Variants in NLRP3 observed in about 807,000 individuals in gnomAD.
NLRP3 encodes the protein NLR family pyrin domain containing 3, also known as NACHT, LRR and PYD domains-containing protein 3.
Under a neutral mutation model 91.3 loss-of-function variants are expected in NLRP3, and 48 were observed. That is an observed-to-expected ratio of 0.53 (90% CI 0.42 to 0.67). The LOEUF (loss-of-function observed/expected upper bound fraction) is 0.67, where lower values mean the gene tolerates loss of function less well. Ranked by LOEUF, NLRP3 falls within the 30% of genes least tolerant of loss-of-function variation. The pLI is 0.00. For synonymous variants in NLRP3, 561 were observed against 507.9 expected (o/e 1.10, Z -1.41); for missense variants, 982 against 1,276.9 (o/e 0.77, Z 3.52).
At position 247,444,735 on chromosome 1, in the gene NLRP3, C is replaced by T. The variant is rs751554558; in HGVS notation, c.2919C>T (p.Ser973=). 1 of 1,614,150 alleles carries T rather than the reference C, an allele frequency of 6.2e-7. No homozygotes were observed. The highest frequency in any genetic ancestry group is 1.1e-5 in the South Asian group (1 of 91,082). ...CCAGCCAGAGCCTGCGAAAGCTGAG[C>T]CTGGGCAACAATGACCTGGGCGACC... ...LTSSQSLRKL[S]LGNNDLGDLG... Residue 973 remains serine (S), a synonymous_variant, in exon 9 of 10, where the codon AGC becomes AGT. Coordinates refer to ENST00000336119, the MANE Select transcript of NLRP3 (RefSeq NM_001243133.2).
chr1:247,447,794 T>C (rs1466246141), intron 9 of NLRP3, among the ~76,000 whole-genome samples: 1 of 152,240 alleles, frequency 6.6e-6, no homozygotes, highest in Non-Finnish European at 1.5e-5. Flanking sequence ...AAGTGAATTA[T>C]TGATAGATGC....
chr1:247,441,129 CTCTTTCTT>C (rs58587092), intron 7 of NLRP3, among the ~76,000 whole-genome samples: 41,509 of 92,340 alleles, frequency 0.45, 6,547 homozygotes, highest in African/African-American at 0.47. Context: ...TTTTCTTTTT[CTCTTTCTT>C]TCTTTCTTTC....
intron 5 of NLRP3, among the ~76,000 whole-genome samples, chr1:247,431,831 G>A (rs1663354488): frequency 6.6e-6 from 1 of 152,166 alleles, no homozygotes; most frequent in African/African-American, 2.4e-5. Flanking sequence ...GTAGATGTAG[G>A]GGGCGCAAGA....
At chr1:247,448,268 CTTTTT>C (rs58966539) in intron 9 of NLRP3, 132 bp from the exon 10 acceptor site, 1,178 of 357,286 alleles carry the variant, frequency 3.3e-3, no homozygotes, top group Non-Finnish European at 4.1e-3. Flanking sequence ...TGTGGTCCCT[CTTTTT>C]TTTTTTTTTT....
intron 1 of NLRP3, among the ~76,000 whole-genome samples, chr1:247,416,438 A>G (rs1662079739): frequency 6.6e-6 from 1 of 152,158 alleles, no homozygotes; most frequent in South Asian, 2.1e-4. Context: ...ACCATAGTTT[A>G]CACCCACGAC....
chr1:247,439,583 TA>T (rs1262630096), intron 7 of NLRP3, among the ~76,000 whole-genome samples: 1 of 152,226 alleles, frequency 6.6e-6, no homozygotes, highest in Non-Finnish European at 1.5e-5. Flanking sequence ...TGATCTTAAC[TA>T]ATTACATTTT....
chr1:247,445,147 C>T (rs1004842800), intron 9 of NLRP3, among the ~76,000 whole-genome samples: 3 of 152,124 alleles, frequency 2.0e-5, no homozygotes, highest in Non-Finnish European at 4.4e-5. Flanking sequence ...TATGGGTCAT[C>T]CAAATTGGAA....
intron 9 of NLRP3, among the ~76,000 whole-genome samples, chr1:247,445,287 G>T (rs1039693214): frequency 6.6e-6 from 1 of 151,864 alleles, no homozygotes; most frequent in African/African-American, 2.4e-5. Context: ...TGCAAGCTCC[G>T]CCTCCCGGGT....
At position 247,418,307 on chromosome 1, in the gene NLRP3, C is replaced by CT. The variant is rs144128307; in HGVS notation, c.-482dup. Reference sequence around the variant, plus strand: ...AACTTTCTGGTAAGCATTTGGCTAACTTTTTTTTTTTTGAGATGGAGTCTT... The same window carrying CT: ...AACTTTCTGGTAAGCATTTGGCTAACTTTTTTTTTTTTTGAGATGGAGTCTT... On this transcript the variant is annotated 5_prime_UTR_variant, in exon 2 of 10. It introduces an in-frame stop codon into an upstream open reading frame of the 5' UTR. Transcript: ENST00000336119. 0.013 allele frequency: 2,515 copies of CT among 188,452 alleles called. No individual in the cohort carries two copies. Among genetic ancestry groups the CT allele is most frequent in the South Asian group, 0.04 (454 of 11,478 alleles). 11.7% of individuals were successfully genotyped at this position (188,452 alleles called of 1,614,324 possible).
At chr1:247,420,313 C>G (rs932213377) in intron 2 of NLRP3, among the ~76,000 whole-genome samples, 1 of 152,080 alleles carries the variant, frequency 6.6e-6, no homozygotes, top group Non-Finnish European at 1.5e-5. Context: ...AGATATTAAC[C>G]CCATATCAGA....
intron 7 of NLRP3, 45 bp downstream of exon 7, chr1:247,436,185 GA>G (rs1663781040): frequency 1.3e-6 from 2 of 1,598,024 alleles, no homozygotes; most frequent in Non-Finnish European, 1.7e-6. Context: ...CTTCTTTTCA[GA>G]GGTGAATTAT....
At chr1:247,435,211 C>T (rs1572203345) in intron 6 of NLRP3, among the ~76,000 whole-genome samples, 1 of 152,188 alleles carries the variant, frequency 6.6e-6, no homozygotes, top group East Asian at 1.9e-4. Flanking sequence ...GATCCCGTCA[C>T]TGTACTCCCG....
At position 247,424,805 on chromosome 1, in the gene NLRP3, G is replaced by C. The variant is rs1662744091; in HGVS notation, c.1356G>C (p.Arg452=). The change falls in exon 4 of 10, where the codon CGG becomes CGC. Residue 452 remains arginine (R), a synonymous_variant. Transcript: ENST00000336119. The surrounding 1 kb of genome is among the most constrained non-coding windows in gnomAD (Gnocchi z 8.1). ...VFFLSSLLQP[R]GGSQEHGLCA... is the part of the protein sequence containing the mutation. Reference sequence around the variant, plus strand: ...TCCTTTCCAGTTTGCTGCAGCCCCGGGGAGGGAGCCAGGAGCACGGCCTCT... The same window carrying C: ...TCCTTTCCAGTTTGCTGCAGCCCCGCGGAGGGAGCCAGGAGCACGGCCTCT... 2.5e-6 allele frequency: 4 copies of C among 1,609,064 alleles called. No individual in the cohort carries two copies. The highest frequency in any genetic ancestry group is 3.4e-6 in the Non-Finnish European group (4 of 1,180,016).
At chr1:247,441,171 C>G (rs1250424071) in intron 7 of NLRP3, among the ~76,000 whole-genome samples, 2 of 134,920 alleles carry the variant, frequency 1.5e-5, no homozygotes, top group East Asian at 4.3e-4. Context: ...TTCTTTCTTT[C>G]TCTTTCTCCC....
rs781093865 is a variant in NLRP3, at chr1:247,425,183, C to G, written c.1734C>G (p.Leu578=). ...KGYLIFVVRF[L]FGLVNQERTS... The stretch of plus-strand genomic sequence containing the variant: ...ATTTGATTTTTGTTGTACGTTTCCT[C>G]TTTGGCCTGGTAAACCAGGAGAGGA... The change falls in exon 4 of 10, where the codon CTC becomes CTG. Residue 578 remains leucine, a synonymous_variant. Coordinates refer to ENST00000336119, the MANE Select transcript of NLRP3 (RefSeq NM_001243133.2). The surrounding 1 kb of genome is among the most constrained non-coding windows in gnomAD (Gnocchi z 4.1). 6.2e-7 allele frequency: 1 copy of G among 1,614,112 alleles called. No individual in the cohort carries two copies. The highest frequency in any genetic ancestry group is 8.5e-7 in the Non-Finnish European group (1 of 1,180,022).
intron 3 of NLRP3, 47 bp from the exon 4 acceptor site, chr1:247,423,799 AG>A: frequency 6.5e-7 from 1 of 1,547,078 alleles, no homozygotes; most frequent in Non-Finnish European, 8.9e-7. Flanking sequence ...AGCGCATCTC[AG>A]GTGGATGTGT....
chr1:247,446,038 C>A (rs74974762), intron 9 of NLRP3, among the ~76,000 whole-genome samples: 2 of 152,162 alleles, frequency 1.3e-5, no homozygotes, highest in East Asian at 3.9e-4. Context: ...CTCTTCTACC[C>A]GAAACCTGAT....
chr1:247,434,972 C>G (rs998821004), intron 6 of NLRP3, among the ~76,000 whole-genome samples: 2 of 152,136 alleles, frequency 1.3e-5, no homozygotes, highest in Non-Finnish European at 2.9e-5. Context: ...AGGAACTCAG[C>G]CAGGAGCGGT....
Position 247,425,784 on chromosome 1 carries a change from T to A in NLRP3, c.2150+185T>A. 1 of 625,126 alleles carries A rather than the reference T, an allele frequency of 1.6e-6. No individual in the cohort carries two copies. Among genetic ancestry groups the A allele is most frequent in the South Asian group, 1.9e-5 (1 of 52,300 alleles). 38.7% of individuals were successfully genotyped at this position (625,126 alleles called of 1,614,324 possible). The stretch of plus-strand genomic sequence containing the variant: ...GATTGATGTATGGTAGGTGGATAAA[T>A]GGGATGAGGAAAAAAAAAATAAAAC... On this transcript the variant is annotated intron_variant, in intron 4 of 9. Transcript: ENST00000336119. This position sits in a 1 kb window ranked among gnomAD's most constrained non-coding sequence, Gnocchi z 4.1.
Sources: allele counts gnomAD v4.1 joint callset (sites outside exome capture counted in the v4.1 genomes callset), GRCh38; gene constraint gnomAD v4.1.1; non-coding constraint Gnocchi (gnomAD v3.1); transcripts MANE v1.5; gene names NCBI Gene and HGNC (gene_info 2026-07-23, HGNC 2026-07-21).